CCND3: variants seen among roughly 807,000 people sequenced by gnomAD.
CCND3 encodes the protein G1/S-specific cyclin-D3.
A neutral mutation model predicts 28.7 loss-of-function variants in CCND3; 9 were observed. The ratio of observed to expected loss-of-function variants is 0.31; its 90% CI spans 0.19 to 0.55. The LOEUF (loss-of-function observed/expected upper bound fraction) is 0.55. Ranked by LOEUF, CCND3 falls within the 20% of genes least tolerant of loss-of-function variation. The pLI, the probability that CCND3 is intolerant of heterozygous loss-of-function variation, is 0.93. For missense variants in CCND3, 315 were observed against 385.8 expected (o/e 0.82, Z 1.54); for synonymous variants, 164 against 163.9 (o/e 1.00, Z 0.00).
chr6:41,984,111 C>A (rs1582131777), intron 1 of CCND3, among the ~76,000 whole-genome samples: 1 of 152,332 alleles, frequency 6.6e-6, no homozygotes, highest in East Asian at 1.9e-4. Flanking sequence ...CATATTATCA[C>A]AAATGGCAGG....
At chr6:41,996,582 C>T (rs1367884329) in intron 1 of CCND3, among the ~76,000 whole-genome samples, 1 of 152,042 alleles carries the variant, frequency 6.6e-6, no homozygotes, top group Non-Finnish European at 1.5e-5. Context: ...ACTTATGTCT[C>T]TTCTACCATT....
intron 1 of CCND3, among the ~76,000 whole-genome samples, chr6:41,962,714 C>T (rs943530276): frequency 3.3e-5 from 5 of 152,104 alleles, no homozygotes; most frequent in African/African-American, 1.2e-4. Context: ...ATGCTACTGC[C>T]CGCCAGCCTG....
chr6:41,994,678 G>A (rs920203190), intron 1 of CCND3, among the ~76,000 whole-genome samples: 1 of 152,158 alleles, frequency 6.6e-6, no homozygotes, highest in Non-Finnish European at 1.5e-5. Context: ...AGGGTGCAGG[G>A]TGTCAATAGT....
At position 41,941,281 on chromosome 6, in the gene CCND3, G is replaced by T. The variant is rs577743238; in HGVS notation, c.198+171C>A. The T allele has an allele frequency of 6.9e-7, 1 of 1,441,726 alleles. No homozygotes were observed. Among genetic ancestry groups the T allele is most frequent in the African/African-American group, 1.4e-5 (1 of 69,878 alleles). The allele number at this position is 1,441,726 out of a possible 1,614,324, so 89.3% of individuals were successfully genotyped here. A position where few individuals can be genotyped will look rare whatever the true frequency, so the allele number is the denominator to read the frequency against. On this transcript the variant is annotated intron_variant, in intron 1 of 4. Coordinates refer to ENST00000372991, the MANE Select transcript of CCND3 (RefSeq NM_001760.5). This position sits in a 1 kb window ranked among gnomAD's most constrained non-coding sequence, Gnocchi z 6.1. The stretch of plus-strand genomic sequence containing the variant: ...TCGGGAGGAGCCGATTAGGGCTCGG[G>T]AAAGCAAGGGAGGCAGCTGGCGTGG...
chr6:41,947,800 C>T (rs1776207512), intron 1 of CCND3, among the ~76,000 whole-genome samples: 1 of 152,108 alleles, frequency 6.6e-6, no homozygotes, highest in Non-Finnish European at 1.5e-5. Context: ...CATCTCTTAC[C>T]TGGATTACAG....
intron 1 of CCND3, among the ~76,000 whole-genome samples, chr6:42,036,543 A>G (rs1332471098): frequency 6.7e-6 from 1 of 148,892 alleles, no homozygotes; most frequent in Non-Finnish European, 1.5e-5. Flanking sequence ...CTCCTGGTCT[A>G]CAGGCGCACA....
intron 1 of CCND3, among the ~76,000 whole-genome samples, chr6:42,003,866 T>G (rs577305390): frequency 7.0e-6 from 1 of 142,780 alleles, no homozygotes; most frequent in East Asian, 2.1e-4. Flanking sequence ...CACTTGAGCC[T>G]GGGAGGTTGA....
chr6:41,967,080 C>T (rs1761907966), intron 1 of CCND3, among the ~76,000 whole-genome samples: 1 of 152,088 alleles, frequency 6.6e-6, no homozygotes, highest in Non-Finnish European at 1.5e-5. Context: ...GAATGAATGA[C>T]ATGAAAGGAA....
chr6:41,991,125 C>G (rs1398739880), intron 1 of CCND3, among the ~76,000 whole-genome samples: 1 of 151,526 alleles, frequency 6.6e-6, no homozygotes, highest in Non-Finnish European at 1.5e-5. Flanking sequence ...ATGGCGTGAT[C>G]TCAGCTCACT....
intron 1 of CCND3, among the ~76,000 whole-genome samples, chr6:42,041,193 A>G (rs1183763775): frequency 6.6e-6 from 1 of 152,164 alleles, no homozygotes; most frequent in East Asian, 1.9e-4. Context: ...GGGGGAGGAA[A>G]AACTTTCTGA....
intron 1 of CCND3, among the ~76,000 whole-genome samples, chr6:42,029,764 G>T (rs941260123): frequency 6.6e-6 from 1 of 151,644 alleles, no homozygotes; most frequent in African/African-American, 2.4e-5. Context: ...TTGAACCTCG[G>T]AGGTGGAGGT....
chr6:42,006,295 T>A (rs1288646473), intron 1 of CCND3, among the ~76,000 whole-genome samples: 2 of 135,776 alleles, frequency 1.5e-5, no homozygotes, highest in African/African-American at 2.5e-5. Flanking sequence ...TAAGGTAGAT[T>A]TAGAGGTTTA....
At chr6:42,040,510 A>T (rs938767291) in intron 1 of CCND3, among the ~76,000 whole-genome samples, 4 of 152,138 alleles carry the variant, frequency 2.6e-5, no homozygotes, top group Non-Finnish European at 5.9e-5. Flanking sequence ...CAGCTATATG[A>T]CTTTGGACTA....
chr6:42,040,650 C>T (rs769319240), intron 1 of CCND3, among the ~76,000 whole-genome samples: 2 of 151,778 alleles, frequency 1.3e-5, no homozygotes, highest in African/African-American at 2.4e-5. Context: ...TCAGGAGTTC[C>T]AGACCAGACT....
At chr6:41,977,295 T>TAC (rs1469817156) in intron 1 of CCND3, among the ~76,000 whole-genome samples, 1 of 152,204 alleles carries the variant, frequency 6.6e-6, no homozygotes, top group East Asian at 1.9e-4. Context: ...AGTCTATATA[T>TAC]ACTGCATTTC....
intron 1 of CCND3, among the ~76,000 whole-genome samples, chr6:42,027,439 CAA>C (rs5875782): frequency 4.5e-5 from 6 of 132,150 alleles, no homozygotes; most frequent in Non-Finnish European, 5.0e-5. Flanking sequence ...GGCTCCATCT[CAA>C]AAAAAAAAAA....
chr6:41,936,404 A>C lies in CCND3; in HGVS notation c.711+155T>G. ...CCACCCAAGATACTTGCTCTTCCCC[A>C]GACCAAGGCAGGAGATAAAAAGCCA... On this transcript the variant is annotated intron_variant, in intron 4 of 4. Coordinates refer to ENST00000372991, the MANE Select transcript of CCND3 (RefSeq NM_001760.5). The surrounding 1 kb of genome is among the most constrained non-coding windows in gnomAD (Gnocchi z 4.4). 1.1e-6 allele frequency: 1 copy of C among 894,724 alleles called. No individual in the cohort carries two copies. Among genetic ancestry groups the C allele is most frequent in the Non-Finnish European group, 1.7e-6 (1 of 585,812 alleles). 55.4% of individuals were successfully genotyped at this position (894,724 alleles called of 1,614,324 possible).
chr6:42,040,868 C>CAAAAAAAAAAAAAAAAAAA (rs142222742), intron 1 of CCND3, among the ~76,000 whole-genome samples: 1 of 122,536 alleles, frequency 8.2e-6, no homozygotes, highest in Non-Finnish European at 1.8e-5. Context: ...AACAAACAAA[C>CAAAAAAAAAAAAAAAAAAA]AAAAAAAAAA....
At chr6:41,949,734 G>A (rs1355865339) in intron 1 of CCND3, among the ~76,000 whole-genome samples, 2 of 152,216 alleles carry the variant, frequency 1.3e-5, no homozygotes, top group Admixed American at 6.5e-5. Context: ...TAGCTTATAA[G>A]CTGCTTGGGA....
Sources: allele counts gnomAD v4.1 joint callset (sites outside exome capture counted in the v4.1 genomes callset), GRCh38; gene constraint gnomAD v4.1.1; non-coding constraint Gnocchi (gnomAD v3.1); transcripts MANE v1.5; gene names NCBI Gene and HGNC (gene_info 2026-07-23, HGNC 2026-07-21).